The following COIL variants were observed in gnomAD, a reference collection of about 807,000 sequenced individuals.
The protein encoded by COIL is coilin.
In COIL, 28 loss-of-function variants were observed where a neutral mutation model predicts 51.6. That is an observed-to-expected ratio of 0.54 (90% confidence interval 0.40 to 0.74). The LOEUF is 0.74. Among genes scored for constraint, COIL ranks in the 30% least tolerant of loss-of-function variants. COIL has a pLI of 0.00. For missense variants in COIL, 667 were observed against 685.9 expected (o/e 0.97, Z 0.31); for synonymous variants, 233 against 255.8 (o/e 0.91, Z 0.85).
chr17:56,945,583 TAC>T (rs1316193962), intron 5 of COIL, among the ~76,000 whole-genome samples: 4 of 152,232 alleles, frequency 2.6e-5, no homozygotes, highest in Non-Finnish European at 5.9e-5. Flanking sequence ...TGACTTAATA[TAC>T]AAAAGTATAT....
At chr17:56,954,420 G>A (rs1420075893) in intron 1 of COIL, among the ~76,000 whole-genome samples, 1 of 152,086 alleles carries the variant, frequency 6.6e-6, no homozygotes, top group East Asian at 1.9e-4. Flanking sequence ...AATTAGCTGG[G>A]CATGGTGGCA....
rs761853643 is a variant in COIL at position 56,960,833 on chromosome 17, C to G, written c.187G>C (p.Gly63Arg). Residue 63 changes from glycine (G) to arginine (R), a missense_variant, in exon 1 of 7, where the codon GGG becomes CGG. By Grantham distance (125) the Gly-to-Arg change is moderately radical. Transcript: ENST00000240316. ...CTCTCGGCGGGGGGCAAGAGCCCCC[C>G]CTCCAGGTAGAGGCCTAGGAAGGCC... is the stretch of plus-strand genomic sequence containing the variant. ...SGAFLGLYLE[G>R]GLLPPAESAR... 25 of 1,604,366 alleles carry G rather than the reference C, an allele frequency of 1.6e-5. No homozygotes were observed. In the South Asian group the frequency reaches 1.6e-4, roughly 10 times the overall value.
In COIL at chr17:56,950,748, T is replaced by C. The variant is rs750767607; in HGVS notation, c.494A>G (p.Lys165Arg). 2 of 1,614,092 alleles carry C rather than the reference T, an allele frequency of 1.2e-6. No individual in the cohort carries two copies. The highest frequency in any genetic ancestry group is 1.7e-6 in the Non-Finnish European group (2 of 1,180,034). ...DQTVSKKNKR[K>R]NKATCGTVGD... ...CACTGTGCCACAGGTTGCTTTATTTTTTCTCTTGTTTTTTTTGCTGACAGT... is the reference window on the plus strand; with the variant it reads ...CACTGTGCCACAGGTTGCTTTATTTCTTCTCTTGTTTTTTTTGCTGACAGT... The change falls in exon 2 of 7, where the codon AAA becomes AGA. Residue 165 changes from lysine to arginine, a missense_variant. Physicochemically the swap from Lys to Arg is conservative, Grantham distance 26 (BLOSUM62 2). Coordinates refer to ENST00000240316, the MANE Select transcript of COIL (RefSeq NM_004645.3).
intron 5 of COIL, among the ~76,000 whole-genome samples, chr17:56,946,029 A>C (rs1425765105): frequency 2.0e-5 from 3 of 152,142 alleles, no homozygotes; most frequent in African/African-American, 7.2e-5. Flanking sequence ...GTTTTTCTTA[A>C]ATAAGGCAAG....
At chr17:56,944,049 T>A (rs1910197487) in intron 5 of COIL, among the ~76,000 whole-genome samples, 1 of 151,826 alleles carries the variant, frequency 6.6e-6, no homozygotes, top group Non-Finnish European at 1.5e-5. Context: ...TTTTTTTTTT[T>A]TACGACAGAG....
rs758095916 is a variant in COIL, at chr17:56,949,671, T to C, written c.1440+10A>G. On this transcript the variant is annotated intron_variant, in intron 3 of 6. Coordinates refer to ENST00000240316, the MANE Select transcript of COIL (RefSeq NM_004645.3). ...ACCTTTTTTGCTGTGACTGTTCTTT[T>C]GAAATATACCTTAAATGCAATCTTT... 30 of 1,610,170 alleles carry C rather than the reference T, an allele frequency of 1.9e-5. No homozygotes were observed. The highest frequency in any genetic ancestry group is 2.4e-5 in the Non-Finnish European group (28 of 1,176,502).
chr17:56,939,376 T>C (rs1910103577), intron 6 of COIL, among the ~76,000 whole-genome samples: 1 of 152,072 alleles, frequency 6.6e-6, no homozygotes, highest in Admixed American at 6.6e-5. Flanking sequence ...GGAGAAATGC[T>C]TGAGCCCAGG....
At chr17:56,946,276 A>G (rs1025507994) in intron 5 of COIL, among the ~76,000 whole-genome samples, 166 bp downstream of exon 5, 1 of 152,228 alleles carries the variant, frequency 6.6e-6, no homozygotes, top group Non-Finnish European at 1.5e-5. Context: ...GCTTTGGAAT[A>G]TATCCAACAT....
In COIL at chr17:56,945,722, A is replaced by T. The variant is rs182325727; in HGVS notation, c.1558+720T>A. The stretch of plus-strand genomic sequence containing the variant: ...CACAATTTACAGTTTGGGGGTTTTT[A>T]AAATATTTTTTGAGACTAAGTCTTG... On this transcript the variant is annotated intron_variant, in intron 5 of 6. Coordinates refer to ENST00000240316, the MANE Select transcript of COIL (RefSeq NM_004645.3). Among the ~76,000 whole-genome samples, 603 of 152,064 alleles carry T rather than the reference A, an allele frequency of 4.0e-3. 7 individuals are homozygous for T. The highest frequency in any genetic ancestry group is 6.3e-3 in the Non-Finnish European group (425 of 67,964).
chr17:56,942,196 T>G, intron 5 of COIL, 73 bp from the exon 6 acceptor site: 1 of 1,182,572 alleles, frequency 8.5e-7, no homozygotes, highest in Non-Finnish European at 1.3e-6. Context: ...CTATGGGGAA[T>G]TTATATCATT....
Position 56,960,672 on chromosome 17 carries a change from C to T in COIL, c.245+103G>A, listed in dbSNP as rs550394490. On this transcript the variant is annotated intron_variant, in intron 1 of 6. Coordinates refer to ENST00000240316, the MANE Select transcript of COIL (RefSeq NM_004645.3). ...CAACCCTCGTCCCCTTCCCCATCCC[C>T]CATCCCCTCCACTACCAGGTCTAGC... The T allele has an allele frequency of 5.0e-4, 280 of 563,610 alleles. 2 individuals carry two copies. The African/African-American group carries it at 5.2e-3, about 11-fold the overall frequency. The allele number at this position is 563,610 out of a possible 1,614,324, so 34.9% of individuals were successfully genotyped here. A position where few individuals can be genotyped will look rare whatever the true frequency, so the allele number is the denominator to read the frequency against.
chr17:56,939,223 G>T, intron 6 of COIL, 69 bp from the exon 7 acceptor site: 1 of 856,760 alleles, frequency 1.2e-6, no homozygotes, highest in Non-Finnish European at 2.0e-6. Context: ...ATTCAGCCAC[G>T]TAAATTTTCC....
intron 1 of COIL, chr17:56,952,110 C>T: frequency 4.8e-6 from 2 of 416,704 alleles, no homozygotes; most frequent in East Asian, 6.7e-5. Flanking sequence ...CACCCAGCCC[C>T]ATCGTCCAGT....
rs1265522960 is a variant in COIL at position 56,948,148 on chromosome 17, T to G, written c.1488+1239A>C. Among the ~76,000 whole-genome samples the G allele has an allele frequency of 3.3e-5, 5 of 149,956 alleles. No homozygotes were observed. In the East Asian group the frequency reaches 7.8e-4, roughly 24 times the overall value. On this transcript the variant is annotated intron_variant, in intron 4 of 6. Coordinates refer to ENST00000240316, the MANE Select transcript of COIL (RefSeq NM_004645.3). The stretch of plus-strand genomic sequence containing the variant: ...TGAGGAAAGATTTTTTTTTTTTTTT[T>G]TTTTGAGATGGAGTCTCGCTCTGTT...
chr17:56,952,622 TTC>T, intron 1 of COIL, among the ~76,000 whole-genome samples: 1 of 152,182 alleles, frequency 6.6e-6, no homozygotes, highest in Non-Finnish European at 1.5e-5. Flanking sequence ...TGCCTGACTC[TTC>T]AAGCTGGGAC....
rs2144398756 is a variant in COIL, at chr17:56,950,351, T to C, written c.891A>G (p.Lys297=). 6.2e-7 allele frequency: 1 copy of C among 1,614,196 alleles called. No homozygotes were observed. The highest frequency in any genetic ancestry group is 2.2e-5 in the East Asian group (1 of 44,884). Residue 297 remains lysine (K), a synonymous_variant, in exon 2 of 7, where the codon AAA becomes AAG. Transcript: ENST00000240316. ...KNTTADKLAI[K]LGFSLTPSKG... ...TGCTGGGGGTAAGGCTAAAGCCAAG[T>C]TTTATAGCCAGTTTGTCTGCAGTTG...
chr17:56,958,411 C>G (rs1271744658), intron 1 of COIL, among the ~76,000 whole-genome samples: 1 of 152,196 alleles, frequency 6.6e-6, no homozygotes, highest in African/African-American at 2.4e-5. Flanking sequence ...CATAAAACAA[C>G]AAAAACAAAG....
intron 1 of COIL, among the ~76,000 whole-genome samples, chr17:56,958,388 C>T (rs957416660): frequency 2.0e-5 from 3 of 152,200 alleles, no homozygotes; most frequent in African/African-American, 7.2e-5. Flanking sequence ...CAGGGAAAAA[C>T]AATGATTGTG....
chr17:56,955,098 T>G (rs1227371498), intron 1 of COIL, among the ~76,000 whole-genome samples: 1 of 152,124 alleles, frequency 6.6e-6, no homozygotes, highest in African/African-American at 2.4e-5. Flanking sequence ...GGAATTTTGC[T>G]CTGTCGCCCA....
Sources: gnomAD v4.1 joint callset for allele counts (sites outside exome capture counted in the v4.1 genomes callset) on GRCh38, gnomAD v4.1.1 for gene constraint, MANE v1.5 for transcripts, NCBI Gene and HGNC (gene_info 2026-07-23, HGNC 2026-07-21) for gene names.